Variants in SHISA9 observed in about 807,000 individuals in gnomAD.
SHISA9 encodes shisa family member 9.
A neutral mutation model predicts 38.0 loss-of-function variants in SHISA9; 13 were observed. The ratio of observed to expected loss-of-function variants is 0.34; its 90% CI spans 0.22 to 0.54. The LOEUF is 0.54. Ranked by LOEUF, SHISA9 falls within the 20% of genes least tolerant of loss-of-function variation. The pLI is 0.91. For synonymous variants in SHISA9, 275 were observed against 242.0 expected, an observed-to-expected ratio of 1.14 and a Z score of -1.27; for missense variants, 538 against 575.8, an observed-to-expected ratio of 0.93 and a Z score of 0.67.
intron 4 of SHISA9, 54 bp from the exon 5 acceptor site, chr16:13,234,976 C>T: frequency 6.7e-7 from 1 of 1,486,640 alleles, no homozygotes; most frequent in Non-Finnish European, 9.0e-7. Context: ...CTCTCTCTCT[C>T]TCTCTCTCTC....
the SHISA9 span, among the ~76,000 whole-genome samples, chr16:13,385,100 C>T: frequency 1.3e-5 from 2 of 152,064 alleles, no homozygotes; most frequent in South Asian, 2.1e-4. Flanking sequence ...AATAACAATG[C>T]GATATCACTA....
chr16:12,963,179 A>C (rs2071933261), intron 2 of SHISA9, among the ~76,000 whole-genome samples: 1 of 152,170 alleles, frequency 6.6e-6, no homozygotes, highest in Non-Finnish European at 1.5e-5. Context: ...ATTTGTTCTT[A>C]GTTGTCAGCT....
intron 2 of SHISA9, among the ~76,000 whole-genome samples, chr16:12,950,365 CT>C (rs1415286362): frequency 6.6e-6 from 1 of 152,150 alleles, no homozygotes; most frequent in Non-Finnish European, 1.5e-5. Context: ...AGTATCTTTT[CT>C]TTTGCATATA....
chr16:13,292,999 C>T, the SHISA9 span, among the ~76,000 whole-genome samples: 1 of 152,070 alleles, frequency 6.6e-6, no homozygotes, highest in Non-Finnish European at 1.5e-5. Flanking sequence ...GATCTTTTTT[C>T]AAGAACAAGA....
At chr16:13,549,559 A>G in the SHISA9 span, among the ~76,000 whole-genome samples, 1 of 152,142 alleles carries the variant, frequency 6.6e-6, no homozygotes, top group Non-Finnish European at 1.5e-5. Flanking sequence ...AAGAAAAAAA[A>G]ACTCTAATAG....
intron 2 of SHISA9, among the ~76,000 whole-genome samples, chr16:13,154,313 T>C (rs2142006913): frequency 6.6e-6 from 1 of 152,344 alleles, no homozygotes; most frequent in South Asian, 2.1e-4. Context: ...TTCCCTGCTC[T>C]TTGGCCATCT....
At chr16:13,287,336 T>A in the SHISA9 span, among the ~76,000 whole-genome samples, 1 of 152,174 alleles carries the variant, frequency 6.6e-6, no homozygotes, top group Non-Finnish European at 1.5e-5. Context: ...GAAAGATAAG[T>A]TCATATGTCG....
chr16:12,936,356 G>T (rs933002227), intron 2 of SHISA9, among the ~76,000 whole-genome samples: 4 of 152,204 alleles, frequency 2.6e-5, no homozygotes, highest in African/African-American at 9.6e-5. Context: ...TAGGAGCCAG[G>T]TTGGTCCAAT....
chr16:12,976,096 A>G (rs918157461), intron 2 of SHISA9, among the ~76,000 whole-genome samples: 1 of 151,856 alleles, frequency 6.6e-6, no homozygotes, highest in African/African-American at 2.4e-5. Context: ...TAAACTTATT[A>G]TTATTATTTG....
intron 2 of SHISA9, among the ~76,000 whole-genome samples, chr16:13,190,051 G>C (rs2050867851): frequency 6.6e-6 from 1 of 151,450 alleles, no homozygotes; most frequent in African/African-American, 2.4e-5. Flanking sequence ...TGGATGAAGT[G>C]GCTGCTGTGG....
At chr16:13,445,147 C>A in the SHISA9 span, among the ~76,000 whole-genome samples, 1 of 151,540 alleles carries the variant, frequency 6.6e-6, no homozygotes, top group Non-Finnish European at 1.5e-5. Flanking sequence ...CAGGTGTGAG[C>A]CACTGCACTC....
chr16:13,371,562 C>G, the SHISA9 span, among the ~76,000 whole-genome samples: 1,271 of 152,264 alleles, frequency 8.3e-3, 8 homozygotes, highest in Non-Finnish European at 0.011. Context: ...TTGGCTCTAC[C>G]TTGATTCAAT....
At chr16:13,150,642 T>C (rs915679134) in intron 2 of SHISA9, among the ~76,000 whole-genome samples, 12 of 152,140 alleles carry the variant, frequency 7.9e-5, no homozygotes, top group African/African-American at 2.9e-4. Context: ...GCCTATTGAA[T>C]CAGAATATGA....
the SHISA9 span, among the ~76,000 whole-genome samples, chr16:13,491,591 A>T: frequency 1.3e-5 from 2 of 151,784 alleles, no homozygotes; most frequent in Non-Finnish European, 2.9e-5. Context: ...GGGTTCAAGC[A>T]ATTATTCTCA....
At chr16:13,076,904 A>G (rs2073589076) in intron 2 of SHISA9, among the ~76,000 whole-genome samples, 1 of 152,186 alleles carries the variant, frequency 6.6e-6, no homozygotes, top group African/African-American at 2.4e-5. Flanking sequence ...TTAATGACTA[A>G]ATCACTCTGA....
the SHISA9 span, among the ~76,000 whole-genome samples, chr16:13,538,318 C>T: frequency 6.6e-6 from 1 of 152,176 alleles, no homozygotes; most frequent in Non-Finnish European, 1.5e-5. Context: ...TTTCTAGTCC[C>T]TGCCTCCTTT....
chr16:13,222,792 GTATATA>G (rs745719678), intron 4 of SHISA9, among the ~76,000 whole-genome samples: 30 of 63,578 alleles, frequency 4.7e-4, no homozygotes, highest in South Asian at 1.2e-3. Context: ...GTGTGTGTAT[GTATATA>G]TATATATATA....
chr16:13,128,042 A>G (rs1408262217), intron 2 of SHISA9, among the ~76,000 whole-genome samples: 1 of 152,172 alleles, frequency 6.6e-6, no homozygotes, highest in Non-Finnish European at 1.5e-5. Flanking sequence ...AGACTGTGCT[A>G]TTTTGAATTC....
rs752460181 is a variant in SHISA9, at chr16:13,235,615, C to T, written c.*206C>T. 23 of 616,120 alleles carry T rather than the reference C, an allele frequency of 3.7e-5. No individual in the cohort carries two copies. The highest frequency in any genetic ancestry group is 2.9e-5 in the East Asian group (1 of 34,676). 38.2% of individuals were successfully genotyped at this position (616,120 alleles called of 1,614,324 possible). On this transcript the variant is annotated 3_prime_UTR_variant, in exon 5 of 5. Coordinates refer to ENST00000558583, the MANE Select transcript of SHISA9 (RefSeq NM_001145204.3). Reference sequence around the variant, plus strand: ...GTGTCGGCGGGCAGCTGAGAAAGACCGAAGCGTGGACATTCAGCAATACAG... The same window carrying T: ...GTGTCGGCGGGCAGCTGAGAAAGACTGAAGCGTGGACATTCAGCAATACAG...
Sources: allele counts gnomAD v4.1 joint callset (sites outside exome capture counted in the v4.1 genomes callset), GRCh38; gene constraint gnomAD v4.1.1; transcripts MANE v1.5; gene names NCBI Gene and HGNC (gene_info 2026-07-23, HGNC 2026-07-21).